Variants in HTR2A observed in about 807,000 individuals in gnomAD.
The protein encoded by HTR2A is 5-HT2 receptor.
Under a neutral mutation model 31.0 loss-of-function variants are expected in HTR2A, and 14 were observed. The ratio of observed to expected loss-of-function variants is 0.45; its 90% confidence interval spans 0.30 to 0.71. HTR2A has a LOEUF of 0.71. Among genes scored for constraint, HTR2A ranks in the 30% least tolerant of loss-of-function variants. The pLI is 0.09. For synonymous variants in HTR2A, 209 were observed against 225.2 expected (o/e 0.93, Z 0.64); for missense variants, 442 against 573.3 (o/e 0.77, Z 2.34).
At chr13:46,885,789 C>T (rs980773211) in intron 3 of HTR2A, among the ~76,000 whole-genome samples, 29 of 152,142 alleles carry the variant, frequency 1.9e-4, no homozygotes, top group African/African-American at 6.5e-4. Context: ...AAGTGAAAGA[C>T]GTTACTGCAT....
chr13:46,885,213 C>G (rs1166137330), intron 3 of HTR2A, among the ~76,000 whole-genome samples: 1 of 152,204 alleles, frequency 6.6e-6, no homozygotes, highest in Non-Finnish European at 1.5e-5. Context: ...GATCAGATGA[C>G]TGAGATGGCT....
In HTR2A at chr13:46,865,589, C is replaced by T. The variant is rs530148122; in HGVS notation, c.613+26801G>A. Among the ~76,000 whole-genome samples the T allele has an allele frequency of 3.6e-3, 553 of 152,330 alleles. 2 individuals carry two copies. Among genetic ancestry groups the T allele is most frequent in the Non-Finnish European group, 5.4e-3 (364 of 68,036 alleles). On this transcript the variant is annotated intron_variant, in intron 3 of 3. Coordinates refer to ENST00000542664, the MANE Select transcript of HTR2A (RefSeq NM_000621.5). ...CAATGTCCATTGGAACGTTCTGTGA[C>T]GGAAGGGTTCCATATCTACTGCCCA...
chr13:46,865,504 T>A (rs1416192850), intron 3 of HTR2A, among the ~76,000 whole-genome samples: 1 of 152,228 alleles, frequency 6.6e-6, no homozygotes, highest in African/African-American at 2.4e-5. Context: ...ATTCTGGCTC[T>A]ACTAGGTGAA....
Position 46,883,793 on chromosome 13 carries a change from G to A in HTR2A, c.613+8597C>T, listed in dbSNP as rs141603665. ...ACTAGGATCACTCTCTCTCCACCCC[G>A]CAGGATTATTCTTAATCCAATGCTT... On this transcript the variant is annotated intron_variant, in intron 3 of 3. Transcript: ENST00000542664. 3.1e-3 allele frequency among the ~76,000 whole-genome samples: 476 copies of A among 152,234 alleles called. 3 individuals carry two copies. Among genetic ancestry groups the A allele is most frequent in the African/African-American group, 0.011 (452 of 41,556 alleles).
At chr13:46,842,467 G>A (rs1253699992) in intron 3 of HTR2A, among the ~76,000 whole-genome samples, 1 of 152,112 alleles carries the variant, frequency 6.6e-6, no homozygotes, top group Non-Finnish European at 1.5e-5. Flanking sequence ...CAGCCATGGT[G>A]TCTGGAAAGC....
chr13:46,856,665 G>T (rs939924090), intron 3 of HTR2A, among the ~76,000 whole-genome samples: 2 of 152,114 alleles, frequency 1.3e-5, no homozygotes, highest in Admixed American at 6.5e-5. Flanking sequence ...TGACTCTTAT[G>T]TATGTACTTC....
chr13:46,849,585 G>T (rs1460585814), intron 3 of HTR2A, among the ~76,000 whole-genome samples: 1 of 152,084 alleles, frequency 6.6e-6, no homozygotes, highest in Non-Finnish European at 1.5e-5. Context: ...AACCCCGTAA[G>T]CTGGTTACTT....
chr13:46,852,739 A>G (rs1950697306), intron 3 of HTR2A, among the ~76,000 whole-genome samples: 1 of 152,218 alleles, frequency 6.6e-6, no homozygotes, highest in Non-Finnish European at 1.5e-5. Flanking sequence ...CTGTCCACAT[A>G]CAAGCTATGG....
chr13:46,888,043 A>G (rs1022278601), intron 3 of HTR2A, among the ~76,000 whole-genome samples: 1 of 151,710 alleles, frequency 6.6e-6, no homozygotes, highest in Admixed American at 6.6e-5. Flanking sequence ...AAACCTGCAC[A>G]TCCTGCACAT....
At chr13:46,872,184 T>C (rs1950867438) in intron 3 of HTR2A, among the ~76,000 whole-genome samples, 1 of 152,204 alleles carries the variant, frequency 6.6e-6, no homozygotes, top group African/African-American at 2.4e-5. Context: ...TGCACCAGCT[T>C]AAGGAAATCA....
chr13:46,850,539 A>C (rs144697942), intron 3 of HTR2A, among the ~76,000 whole-genome samples: 1 of 152,292 alleles, frequency 6.6e-6, no homozygotes, highest in East Asian at 1.9e-4. Flanking sequence ...TTTCGCCATC[A>C]GGTATGCAGG....
At chr13:46,892,268 C>T (rs569948671) in intron 3 of HTR2A, 122 bp downstream of exon 3, 13 of 920,362 alleles carry the variant, frequency 1.4e-5, no homozygotes, top group African/African-American at 1.3e-4. Context: ...TGTAACATAT[C>T]TTGCACCACC....
chr13:46,856,232 T>A (rs1188841863), intron 3 of HTR2A: 1 of 152,212 alleles, frequency 6.6e-6, no homozygotes, highest in Non-Finnish European at 1.5e-5. Flanking sequence ...CAATCCCTCG[T>A]AGATTTATAA....
chr13:46,871,415 G>T (rs2138227157), intron 3 of HTR2A, among the ~76,000 whole-genome samples: 1 of 152,194 alleles, frequency 6.6e-6, no homozygotes, highest in Non-Finnish European at 1.5e-5. Context: ...GTTCTCTTTT[G>T]GTCTAATTTT....
chr13:46,849,409 T>G (rs1950665375), intron 3 of HTR2A, among the ~76,000 whole-genome samples: 1 of 152,166 alleles, frequency 6.6e-6, no homozygotes, highest in Admixed American at 6.5e-5. Context: ...CCTCTGAGCC[T>G]AAGACCCTCA....
At chr13:46,880,829 ACT>A (rs1426003708) in intron 3 of HTR2A, among the ~76,000 whole-genome samples, 8 of 150,130 alleles carry the variant, frequency 5.3e-5, no homozygotes, top group African/African-American at 2.0e-4. Flanking sequence ...ACAGAGGGAG[ACT>A]CTGTCTCAAA....
chr13:46,882,236 AAAAG>A (rs1273997570), intron 3 of HTR2A, among the ~76,000 whole-genome samples: 1 of 151,792 alleles, frequency 6.6e-6, no homozygotes, highest in Non-Finnish European at 1.5e-5. Context: ...AGTTAAAAAA[AAAAG>A]AGAAAGTACT....
chr13:46,896,694 C>G lies in HTR2A; in HGVS notation c.-349G>C, dbSNP rs946883375. On this transcript the variant is annotated 5_prime_UTR_variant, in exon 1 of 4. An upstream start codon of the reference 5' UTR is lost. Coordinates refer to ENST00000542664, the MANE Select transcript of HTR2A (RefSeq NM_000621.5). ...CTTACATTTGTCTTCAGGGTCCACA[C>G]ATGAGATACATTTGTTATTCTGTGA... 1 of 1,534,362 alleles carries G rather than the reference C, an allele frequency of 6.5e-7. No individual in the cohort carries two copies. Among genetic ancestry groups the G allele is most frequent in the Admixed American group, 2.0e-5 (1 of 50,552 alleles).
At chr13:46,867,446 T>C (rs149101184) in intron 3 of HTR2A, among the ~76,000 whole-genome samples, 1 of 152,354 alleles carries the variant, frequency 6.6e-6, no homozygotes, top group Non-Finnish European at 1.5e-5. Flanking sequence ...CACTGTTTAC[T>C]ATGAATTTGT....
Sources: allele counts gnomAD v4.1 joint callset (sites outside exome capture counted in the v4.1 genomes callset), GRCh38; gene constraint gnomAD v4.1.1; transcripts MANE v1.5; gene names NCBI Gene and HGNC (gene_info 2026-07-23, HGNC 2026-07-21).